ZNF215: variants seen among roughly 807,000 people sequenced by gnomAD.
The protein encoded by ZNF215 is BWSCR2-associated zinc finger protein 2.
A neutral mutation model predicts 27.2 loss-of-function variants in ZNF215; 24 were observed. That is an observed-to-expected ratio of 0.88 (90% confidence interval 0.64 to 1.24). The LOEUF (loss-of-function observed/expected upper bound fraction) is 1.24, where lower values mean the gene tolerates loss of function less well. ZNF215 is among the 50% of genes most tolerant of loss of function. ZNF215 has a pLI of 0.00. For synonymous variants in ZNF215, 210 were observed against 204.0 expected, an observed-to-expected ratio of 1.03 and a Z score of -0.25; for missense variants, 675 against 605.7, an observed-to-expected ratio of 1.11 and a Z score of -1.20.
At chr11:6,971,779 C>T (rs975756472) in intron 5 of ZNF215, among the ~76,000 whole-genome samples, 1 of 151,944 alleles carries the variant, frequency 6.6e-6, no homozygotes, top group African/African-American at 2.4e-5. Context: ...AATTTATCAT[C>T]GAAACCATAG....
intron 5 of ZNF215, among the ~76,000 whole-genome samples, chr11:6,983,441 C>T (rs1337186401): frequency 1.3e-5 from 2 of 152,110 alleles, no homozygotes; most frequent in Non-Finnish European, 2.9e-5. Flanking sequence ...CAAAGCCTGG[C>T]AGAGACACAA....
chr11:6,982,402 CA>C (rs1375291802), intron 5 of ZNF215, among the ~76,000 whole-genome samples: 2 of 152,122 alleles, frequency 1.3e-5, no homozygotes, highest in African/African-American at 4.8e-5. Context: ...CTGCACCAAG[CA>C]GACCTAATAG....
chr11:6,974,911 C>G (rs559343011), intron 5 of ZNF215, among the ~76,000 whole-genome samples: 1 of 151,840 alleles, frequency 6.6e-6, no homozygotes, highest in South Asian at 2.1e-4. Flanking sequence ...TTGCCCTGGC[C>G]GGAACTTCCA....
chr11:6,933,975 T>C (rs1396658432), intron 3 of ZNF215, among the ~76,000 whole-genome samples: 1 of 152,188 alleles, frequency 6.6e-6, no homozygotes, highest in African/African-American at 2.4e-5. Flanking sequence ...AGATTAGTTA[T>C]ACATCTTTTA....
downstream of ZNF215, among the ~76,000 whole-genome samples, chr11:6,958,597 A>C (rs113858866): frequency 1.3e-5 from 2 of 152,214 alleles, no homozygotes; most frequent in African/African-American, 4.8e-5. Flanking sequence ...GAGGGACAGA[A>C]CCAATAGGAT....
chr11:6,933,271 T>C (rs1196045896), intron 3 of ZNF215, among the ~76,000 whole-genome samples: 1 of 152,198 alleles, frequency 6.6e-6, no homozygotes, highest in African/African-American at 2.4e-5. Flanking sequence ...TGACATAAAT[T>C]CACATGTACT....
At chr11:6,936,237 C>T (rs57449133) in intron 3 of ZNF215, among the ~76,000 whole-genome samples, 15,110 of 151,942 alleles carry the variant, frequency 0.099, 1,301 homozygotes, top group African/African-American at 0.24. Flanking sequence ...ATCAGCAAAA[C>T]TGACAAAGGT....
At position 6,956,334 on chromosome 11, in the gene ZNF215, C is replaced by G. The variant is rs771753326; in HGVS notation, c.1357C>G (p.Pro453Ala). Residue 453 changes from proline (P) to alanine (A), a missense_variant, in exon 7 of 7, where the codon CCA becomes GCA. Transcript: ENST00000278319. ...AFSKSEDSNN[P>A]TLHFGNNFYQ... ...CAGTAAAAGTGAAGACAGTAATAAT[C>G]CAACACTCCATTTTGGAAACAATTT... The G allele has an allele frequency of 3.7e-6, 6 of 1,614,134 alleles. No homozygotes were observed. The South Asian group carries it at 5.5e-5, about 15-fold the overall frequency.
At chr11:6,949,661 A>G (rs991542193) in intron 6 of ZNF215, among the ~76,000 whole-genome samples, 184 of 151,718 alleles carry the variant, frequency 1.2e-3, no homozygotes, top group African/African-American at 4.4e-3. Flanking sequence ...GGTTGCGAAA[A>G]TTTTCTCCCA....
At chr11:6,929,772 T>TC (rs1277852613) in intron 2 of ZNF215, among the ~76,000 whole-genome samples, 1 of 150,960 alleles carries the variant, frequency 6.6e-6, no homozygotes, top group Non-Finnish European at 1.5e-5. Context: ...AAATTTACCT[T>TC]CCCCCTCCCC....
chr11:6,929,817 C>A (rs1403521795), intron 2 of ZNF215, among the ~76,000 whole-genome samples: 1 of 150,974 alleles, frequency 6.6e-6, no homozygotes, highest in Non-Finnish European at 1.5e-5. Flanking sequence ...GCAGGAAATT[C>A]CTATGCAGAG....
downstream of ZNF215, among the ~76,000 whole-genome samples, chr11:6,962,410 G>C (rs964288101): frequency 5.3e-5 from 8 of 152,142 alleles, no homozygotes; most frequent in African/African-American, 1.9e-4. Flanking sequence ...AGTGGATCTA[G>C]AAGGGAGAAT....
rs1231344996 is a variant in ZNF215, at chr11:6,957,255, C to T, written c.*724C>T. 1.1e-6 allele frequency: 1 copy of T among 921,918 alleles called. No individual in the cohort carries two copies. 57.1% of individuals were successfully genotyped at this position (921,918 alleles called of 1,614,324 possible). On this transcript the variant is annotated 3_prime_UTR_variant, in exon 7 of 7. Transcript: ENST00000278319. Reference sequence around the variant, plus strand: ...TGTTGATGAGAAAAATATCGATTCCCAGCCAGGGACACTGTGTGGAGTTCG... The same window carrying T: ...TGTTGATGAGAAAAATATCGATTCCTAGCCAGGGACACTGTGTGGAGTTCG...
At chr11:6,975,899 T>C (rs1191620377) in intron 5 of ZNF215, among the ~76,000 whole-genome samples, 2 of 152,108 alleles carry the variant, frequency 1.3e-5, no homozygotes, top group African/African-American at 4.8e-5. Flanking sequence ...GATAGCTCTA[T>C]TTTTAGTTTT....
chr11:6,959,515 T>C (rs1850471500), downstream of ZNF215, among the ~76,000 whole-genome samples: 1 of 152,238 alleles, frequency 6.6e-6, no homozygotes, highest in Non-Finnish European at 1.5e-5. Context: ...GCTGCTGATA[T>C]GGTTGACTCA....
intron 3 of ZNF215, among the ~76,000 whole-genome samples, chr11:6,934,467 C>T (rs1003305326): frequency 1.3e-5 from 2 of 152,130 alleles, no homozygotes; most frequent in Non-Finnish European, 2.9e-5. Context: ...CAAGCCTGTA[C>T]ATCAGAGATC....
In ZNF215 at chr11:6,978,508, C is replaced by T. The variant is rs142690598; in HGVS notation, c.806-5621C>T. Among the ~76,000 whole-genome samples the T allele has an allele frequency of 2.3e-3, 344 of 151,936 alleles. 5 individuals carry two copies. The highest frequency in any genetic ancestry group is 0.02 in the Admixed American group (310 of 15,222). On this transcript the variant is annotated intron_variant, in intron 5 of 5. Coordinates refer to the ZNF215 transcript ENST00000529903. ...TGAACTCTGATTAATATGTGTGCTG[C>T]GATATGTAGGAGACAGCATACTGAT...
Position 6,975,941 on chromosome 11 carries a change from G to T in ZNF215, c.806-8188G>T, listed in dbSNP as rs144657504. Among the ~76,000 whole-genome samples the T allele has an allele frequency of 1.1e-3, 172 of 152,156 alleles. 2 individuals are homozygous for T. In the East Asian group the frequency reaches 0.03, roughly 27 times the overall value. ...AACCTCCAAACTGTTCTTCATAGTG[G>T]CTGTACTAATTTACATTCCCATCAA... On this transcript the variant is annotated intron_variant, in intron 5 of 5. Coordinates refer to the ZNF215 transcript ENST00000529903.
Position 6,943,144 on chromosome 11 carries a change from A to T in ZNF215, c.545A>T (p.Asp182Val). 6.2e-7 allele frequency: 1 copy of T among 1,614,018 alleles called. No individual in the cohort carries two copies. The highest frequency in any genetic ancestry group is 1.1e-5 in the South Asian group (1 of 91,064). ...AGCAAGGAAGAGTGGGGGCAACTGGACTCTGCTGTAAAGAACCTGTACAGG... is the reference window on the plus strand; with the variant it reads ...AGCAAGGAAGAGTGGGGGCAACTGGTCTCTGCTGTAAAGAACCTGTACAGG... ...EFSKEEWGQLDSAVKNLYRNV... is the reference protein window; with the variant it reads ...EFSKEEWGQLVSAVKNLYRNV... Residue 182 changes from aspartate (D) to valine (V), a missense_variant, in exon 5 of 7, where the codon GAC becomes GTC. Physicochemically the swap from Asp to Val is radical, Grantham distance 152. Transcript: ENST00000278319.
Sources: allele counts gnomAD v4.1 joint callset (sites outside exome capture counted in the v4.1 genomes callset), GRCh38; gene constraint gnomAD v4.1.1; transcripts MANE v1.5; gene names NCBI Gene and HGNC (gene_info 2026-07-23, HGNC 2026-07-21).